C10orf90: variants seen among roughly 807,000 people sequenced by gnomAD.
C10orf90 encodes the protein (E2-independent) E3 ubiquitin-conjugating enzyme FATS.
C10orf90 carries 56 observed loss-of-function variants against 62.5 expected under a neutral mutation model. The observed-to-expected ratio is 0.90, with a 90% CI of 0.72 to 1.12. The LOEUF (loss-of-function observed/expected upper bound fraction) is 1.12. Among genes scored for constraint, C10orf90 ranks in the 50% most tolerant of loss-of-function variants. The pLI, the probability that C10orf90 is intolerant of heterozygous loss-of-function variation, is 0.00. For missense variants in C10orf90, 970 were observed against 880.4 expected, an observed-to-expected ratio of 1.10 and a Z score of -1.29; for synonymous variants, 386 against 340.4, an observed-to-expected ratio of 1.13 and a Z score of -1.47.
intron 4 of C10orf90, among the ~76,000 whole-genome samples, chr10:126,473,309 G>A (rs987317575): frequency 6.6e-6 from 1 of 152,178 alleles, no homozygotes; most frequent in Admixed American, 6.5e-5. Context: ...GTCAGGCACA[G>A]CTGGTTGCCT....
intron 7 of C10orf90, among the ~76,000 whole-genome samples, chr10:126,430,671 C>T (rs550656763): frequency 6.6e-6 from 1 of 152,272 alleles, no homozygotes; most frequent in Non-Finnish European, 1.5e-5. Context: ...AACTGCCGTG[C>T]TTCCTAAAAC....
intron 2 of C10orf90, among the ~76,000 whole-genome samples, chr10:126,621,768 A>G (rs897410249): frequency 6.6e-6 from 1 of 152,222 alleles, no homozygotes; most frequent in Non-Finnish European, 1.5e-5. Context: ...ATTCCTCTGT[A>G]TGATTAATGT....
rs751027989 is a variant in C10orf90 at position 126,504,255 on chromosome 10, T to C, written c.1236A>G (p.Ile412Met). 2 of 1,614,086 alleles carry C rather than the reference T, an allele frequency of 1.2e-6. No homozygotes were observed. The highest frequency in any genetic ancestry group is 1.7e-5 in the Admixed American group (1 of 60,008). ...GVDGLVNREP[I>M]SEALKQELLE... ...GGAGCTCCTGCTTCAGGGCTTCGCT[T>C]ATTGGCTCTCTGTTCACTAGGCCAT... The change falls in exon 4 of 10, where the codon ATA (isoleucine) becomes ATG (methionine). Residue 412 changes from isoleucine (I) to methionine (M), a missense_variant. Ile to Met is a conservative substitution (Grantham distance 10). Coordinates refer to ENST00000488181, the MANE Select transcript of C10orf90 (RefSeq NM_001350921.2). The surrounding 1 kb of genome is among the most constrained non-coding windows in gnomAD (Gnocchi z 4.1).
At chr10:126,513,547 C>T (rs765391930) in intron 3 of C10orf90, among the ~76,000 whole-genome samples, 2 of 152,170 alleles carry the variant, frequency 1.3e-5, no homozygotes, top group Non-Finnish European at 2.9e-5. Context: ...GTACCTCTTT[C>T]GCATCTTCAA....
intron 4 of C10orf90, among the ~76,000 whole-genome samples, chr10:126,494,353 TGA>T (rs1338818758): frequency 6.6e-6 from 1 of 152,152 alleles, no homozygotes; most frequent in Non-Finnish European, 1.5e-5. Flanking sequence ...AATATCACTG[TGA>T]GAGCTCACAT....
At chr10:126,549,771 A>G (rs1052629426) in intron 2 of C10orf90, among the ~76,000 whole-genome samples, 4 of 151,762 alleles carry the variant, frequency 2.6e-5, no homozygotes, top group African/African-American at 9.7e-5. Flanking sequence ...ATTTAAGAAC[A>G]ACCCAGATGT....
intron 2 of C10orf90, among the ~76,000 whole-genome samples, chr10:126,517,556 C>T (rs754394406): frequency 2.6e-5 from 4 of 152,130 alleles, no homozygotes; most frequent in Non-Finnish European, 5.9e-5. Context: ...GACAATGGCT[C>T]ATAGCTTCAC....
At chr10:126,571,394 A>G (rs1007817380) in intron 2 of C10orf90, among the ~76,000 whole-genome samples, 1 of 152,172 alleles carries the variant, frequency 6.6e-6, no homozygotes, top group Non-Finnish European at 1.5e-5. Context: ...GGAGCAGCGC[A>G]GTTGGGAACC....
chr10:126,669,032 G>A (rs1846693250), intron 1 of C10orf90, among the ~76,000 whole-genome samples: 1 of 152,042 alleles, frequency 6.6e-6, no homozygotes, highest in East Asian at 1.9e-4. Flanking sequence ...AATTCAACAA[G>A]TTTTTCTCTC....
intron 1 of C10orf90, among the ~76,000 whole-genome samples, chr10:126,654,129 T>C (rs1846345221): frequency 6.6e-6 from 1 of 152,170 alleles, no homozygotes; most frequent in African/African-American, 2.4e-5. Context: ...ATCTTCACAA[T>C]GGGAAATGAG....
intron 2 of C10orf90, among the ~76,000 whole-genome samples, chr10:126,538,735 A>G (rs1164508587): frequency 6.6e-6 from 1 of 152,190 alleles, no homozygotes; most frequent in Non-Finnish European, 1.5e-5. Flanking sequence ...AAGTGAAGGA[A>G]CTAGAATTCA....
intron 2 of C10orf90, among the ~76,000 whole-genome samples, chr10:126,549,907 A>C (rs543559670): frequency 4.2e-4 from 64 of 152,204 alleles, no homozygotes; most frequent in African/African-American, 1.5e-3. Context: ...GTGCAAAAAG[A>C]CAATCCCAGA....
At chr10:126,516,399 T>C (rs566393522) in intron 2 of C10orf90, among the ~76,000 whole-genome samples, 22 of 152,244 alleles carry the variant, frequency 1.4e-4, no homozygotes, top group African/African-American at 5.1e-4. Flanking sequence ...AGAAAGCCAC[T>C]GGAATCACAC....
chr10:126,646,158 T>A (rs1461830584), intron 2 of C10orf90, among the ~76,000 whole-genome samples: 1 of 152,238 alleles, frequency 6.6e-6, no homozygotes, highest in Admixed American at 6.5e-5. Context: ...TGGCTAAGAA[T>A]GGAAGCTTTA....
At position 126,514,472 on chromosome 10, in the gene C10orf90, C is replaced by G. The variant is rs149230177; in HGVS notation, c.314-533G>C. ...TATGTAAAATCCCCCACATGTGCCT[C>G]TCTGTGAGTATCTGCCACAAAGATA... On this transcript the variant is annotated intron_variant, in intron 2 of 9. Coordinates refer to ENST00000488181, the MANE Select transcript of C10orf90 (RefSeq NM_001350921.2). Among the ~76,000 whole-genome samples, 503 of 152,314 alleles carry G rather than the reference C, an allele frequency of 3.3e-3. 3 individuals carry two copies. The highest frequency in any genetic ancestry group is 5.2e-3 in the Non-Finnish European group (352 of 68,020).
At chr10:126,496,742 G>A (rs1337650778) in intron 4 of C10orf90, 1 of 981,254 alleles carries the variant, frequency 1.0e-6, no homozygotes, top group Non-Finnish European at 1.2e-6. Flanking sequence ...GGTAGTTTGA[G>A]GAAGGAAACA....
At chr10:126,627,997 G>T (rs749169256) in intron 2 of C10orf90, among the ~76,000 whole-genome samples, 15 of 152,162 alleles carry the variant, frequency 9.9e-5, no homozygotes, top group Non-Finnish European at 8.8e-5. Context: ...TTTTAATCTC[G>T]AAAGAGCAAG....
At chr10:126,645,053 T>C (rs1176730416) in intron 2 of C10orf90, among the ~76,000 whole-genome samples, 4 of 151,512 alleles carry the variant, frequency 2.6e-5, no homozygotes, top group Non-Finnish European at 4.4e-5. Context: ...TAGGTGGGAA[T>C]TGAACAATGA....
At chr10:126,551,115 T>G (rs971751292) in intron 2 of C10orf90, among the ~76,000 whole-genome samples, 1 of 152,262 alleles carries the variant, frequency 6.6e-6, no homozygotes, top group Non-Finnish European at 1.5e-5. Context: ...TGGATTTAAG[T>G]CCTTGGCTTT....
Sources: allele counts gnomAD v4.1 joint callset (sites outside exome capture counted in the v4.1 genomes callset), GRCh38; gene constraint gnomAD v4.1.1; non-coding constraint Gnocchi (gnomAD v3.1); transcripts MANE v1.5; gene names NCBI Gene and HGNC (gene_info 2026-07-23, HGNC 2026-07-21).